The following CHFR variants were observed in gnomAD, a reference collection of about 807,000 sequenced individuals.
CHFR encodes E3 ubiquitin-protein ligase CHFR.
CHFR carries 57 observed loss-of-function variants against 87.6 expected under a neutral mutation model. The observed-to-expected ratio is 0.65, with a 90% CI of 0.53 to 0.81. The LOEUF (loss-of-function observed/expected upper bound fraction) is 0.81. Ranked by LOEUF, CHFR falls within the 30% of genes least tolerant of loss-of-function variation. The pLI is 0.00. For missense variants in CHFR, 797 were observed against 865.8 expected (o/e 0.92, Z 1.00); for synonymous variants, 381 against 359.2 (o/e 1.06, Z -0.69).
At chr12:132,871,319 G>A (rs987828190) in intron 4 of CHFR, among the ~76,000 whole-genome samples, 13 of 152,174 alleles carry the variant, frequency 8.5e-5, no homozygotes, top group African/African-American at 2.9e-4. Flanking sequence ...GGGTGTGGTG[G>A]TGTGCACCTG....
At chr12:132,842,108 CAAAAAA>C (rs35177584) in intron 17 of CHFR, among the ~76,000 whole-genome samples, 2 of 103,356 alleles carry the variant, frequency 1.9e-5, no homozygotes. Flanking sequence ...GACTCCATCT[CAAAAAA>C]AAAAAAAAAA....
At chr12:132,848,772 C>A in intron 12 of CHFR, 48 bp from the exon 13 acceptor site, 1 of 1,376,316 alleles carries the variant, frequency 7.3e-7, no homozygotes, top group Non-Finnish European at 1.0e-6. Context: ...TGAGGGCTGT[C>A]TCCAACACAA....
chr12:132,857,067 G>A (rs1350089740), intron 9 of CHFR, among the ~76,000 whole-genome samples: 1 of 122,234 alleles, frequency 8.2e-6, no homozygotes, highest in Non-Finnish European at 1.7e-5. Context: ...CTGGTGGAGG[G>A]ACCACCCTCA....
At chr12:132,848,439 T>C in intron 13 of CHFR, 1 of 693,536 alleles carries the variant, frequency 1.4e-6, no homozygotes, top group Non-Finnish European at 2.5e-6. Flanking sequence ...TCTCCCCTAA[T>C]AATTCTGTTA....
intron 12 of CHFR, among the ~76,000 whole-genome samples, chr12:132,850,514 C>T (rs1341826897): frequency 6.6e-6 from 1 of 152,168 alleles, no homozygotes; most frequent in Non-Finnish European, 1.5e-5. Flanking sequence ...TCAGCAGTGG[C>T]CAGCGCCTGC....
intron 9 of CHFR, 29 bp downstream of exon 9, chr12:132,857,376 C>G (rs781424137): frequency 6.2e-7 from 1 of 1,601,052 alleles, no homozygotes; most frequent in South Asian, 1.1e-5. Context: ...CTCACGTGCC[C>G]GGGTGCTGGT....
intron 2 of CHFR, among the ~76,000 whole-genome samples, chr12:132,880,721 C>G (rs1389086229): frequency 6.6e-6 from 1 of 150,598 alleles, no homozygotes; most frequent in African/African-American, 2.5e-5. Context: ...AATCTCAGCA[C>G]GTTGGGAGGC....
Position 132,838,737 on chromosome 12 carries a change from A to C in CHFR, c.*2817T>G, listed in dbSNP as rs1239453577. 1 of 152,264 alleles carries C rather than the reference A, an allele frequency of 6.6e-6. No homozygotes were observed. Among genetic ancestry groups the C allele is most frequent in the African/African-American group, 2.4e-5 (1 of 41,446 alleles). The allele number at this position is 152,264 out of a possible 1,614,324, so 9.4% of individuals were successfully genotyped here. On this transcript the variant is annotated 3_prime_UTR_variant, in exon 18 of 18. Coordinates refer to ENST00000450056, the MANE Select transcript of CHFR (RefSeq NM_001161346.2). The stretch of plus-strand genomic sequence containing the variant: ...GGCTCCAAAACCACCACAGCCGGTC[A>C]GTTTTGCTGGGTGGGATGGCTGGGT...
At chr12:132,844,215 C>T (rs576112639) in intron 15 of CHFR, 81 bp from the exon 16 acceptor site, 58 of 847,714 alleles carry the variant, frequency 6.8e-5, no homozygotes, top group East Asian at 1.6e-4. Flanking sequence ...GGGAGACTAA[C>T]GCACTGACCA....
chr12:132,861,526 G>A lies in CHFR; in HGVS notation c.692C>T (p.Ser231Leu), dbSNP rs754307363. 17 of 1,614,076 alleles carry A rather than the reference G, an allele frequency of 1.1e-5. No individual in the cohort carries two copies. The Admixed American group carries it at 1.3e-4, about 13-fold the overall frequency. ...CTCCTGATCCTGGGGTTCCAACGACGAAAAGGACGCAGTCTTTCTGTCTGG... is the reference window on the plus strand; with the variant it reads ...CTCCTGATCCTGGGGTTCCAACGACAAAAAGGACGCAGTCTTTCTGTCTGG... ...ALPDRKTASFSSLEPQDQEDL... is the reference protein window; with the variant it reads ...ALPDRKTASFLSLEPQDQEDL... The change falls in exon 7 of 18, where the codon TCG (serine) becomes TTG (leucine). Residue 231 changes from serine (S) to leucine (L), a missense_variant. Transcript: ENST00000450056.
At chr12:132,867,824 A>T (rs10870527) in intron 6 of CHFR, 23,122 of 152,094 alleles carry the variant, frequency 0.15, 2,277 homozygotes, top group South Asian at 0.22. Context: ...CTTAACAAAC[A>T]AGGAGAAACA....
chr12:132,867,690 C>T (rs1166789573), intron 6 of CHFR: 1 of 152,174 alleles, frequency 6.6e-6, no homozygotes, highest in Non-Finnish European at 1.5e-5. Flanking sequence ...AGAGGCTCTT[C>T]TGTTCATAGG....
At chr12:132,874,097 C>G (rs1200440336) in intron 3 of CHFR, among the ~76,000 whole-genome samples, 2 of 152,252 alleles carry the variant, frequency 1.3e-5, no homozygotes, top group Non-Finnish European at 1.5e-5. Context: ...CCTGGAGCCT[C>G]CAGAAGAAAC....
chr12:132,867,244 G>A (rs1951366341), intron 6 of CHFR: 1 of 152,228 alleles, frequency 6.6e-6, no homozygotes, highest in African/African-American at 2.4e-5. Flanking sequence ...AGCGTGAGAG[G>A]TTTCTGGTTT....
At chr12:132,846,355 C>T (rs536206980) in intron 15 of CHFR, among the ~76,000 whole-genome samples, 73 of 151,912 alleles carry the variant, frequency 4.8e-4, no homozygotes, top group East Asian at 3.9e-3. Context: ...CTCCGCCTCC[C>T]GGGTTCACGC....
chr12:132,864,324 C>A (rs565844477), intron 6 of CHFR, among the ~76,000 whole-genome samples: 9 of 152,212 alleles, frequency 5.9e-5, no homozygotes, highest in Non-Finnish European at 1.5e-5. Context: ...TCATCTCCAG[C>A]GCCCCGTGCT....
intron 2 of CHFR, among the ~76,000 whole-genome samples, chr12:132,880,208 A>G (rs1227397350): frequency 1.3e-5 from 2 of 152,246 alleles, no homozygotes; most frequent in African/African-American, 4.8e-5. Context: ...AAGGATGGCC[A>G]GACAGAGACA....
At chr12:132,872,981 G>A (rs1391873554) in intron 3 of CHFR, among the ~76,000 whole-genome samples, 1 of 152,222 alleles carries the variant, frequency 6.6e-6, no homozygotes, top group African/African-American at 2.4e-5. Flanking sequence ...CAGACAGGAG[G>A]AGGCTAAGTT....
At chr12:132,858,175 G>A (rs1951125802) in intron 8 of CHFR, among the ~76,000 whole-genome samples, 1 of 152,074 alleles carries the variant, frequency 6.6e-6, no homozygotes, top group Non-Finnish European at 1.5e-5. Context: ...TGGCTAATAT[G>A]GTGAAACTCC....
Sources: allele counts gnomAD v4.1 joint callset (sites outside exome capture counted in the v4.1 genomes callset), GRCh38; gene constraint gnomAD v4.1.1; transcripts MANE v1.5; gene names NCBI Gene and HGNC (gene_info 2026-07-23, HGNC 2026-07-21).